FAF1: variants seen among roughly 807,000 people sequenced by gnomAD.
The protein encoded by FAF1 is FAS-associated factor 1.
In FAF1, 25 loss-of-function variants were observed where a neutral mutation model predicts 92.5. The ratio of observed to expected loss-of-function variants is 0.27; its 90% CI spans 0.20 to 0.38. The LOEUF is 0.38. Ranked by LOEUF, FAF1 falls within the 10% of genes least tolerant of loss-of-function variation. The pLI is 1.00. For synonymous variants in FAF1, 234 were observed against 273.2 expected, an observed-to-expected ratio of 0.86 and a Z score of 1.42; for missense variants, 636 against 793.3, an observed-to-expected ratio of 0.80 and a Z score of 2.38.
chr1:50,871,786 G>A (rs929005625), intron 1 of FAF1, among the ~76,000 whole-genome samples: 7 of 152,152 alleles, frequency 4.6e-5, no homozygotes, highest in African/African-American at 1.7e-4. Flanking sequence ...GTAGCTCATG[G>A]GTCAAGGATT....
intron 12 of FAF1, among the ~76,000 whole-genome samples, chr1:50,569,281 C>A (rs1650317969): frequency 6.6e-6 from 1 of 152,138 alleles, no homozygotes; most frequent in Non-Finnish European, 1.5e-5. Flanking sequence ...AGTTTCCCCT[C>A]TAGACTAAAT....
intron 18 of FAF1, among the ~76,000 whole-genome samples, chr1:50,470,029 A>T (rs1646551042): frequency 6.6e-6 from 1 of 152,236 alleles, no homozygotes; most frequent in African/African-American, 2.4e-5. Context: ...TTTAAGATAC[A>T]GTCATTCAAT....
chr1:50,889,698 T>G (rs1250448450), intron 1 of FAF1, among the ~76,000 whole-genome samples: 2 of 152,078 alleles, frequency 1.3e-5, no homozygotes, highest in East Asian at 1.9e-4. Flanking sequence ...TTAATCCTCA[T>G]TTCTAGTTTG....
rs372268610 is a variant in FAF1, at chr1:50,746,875, G to A, written c.368-2100C>T. Among the ~76,000 whole-genome samples the A allele has an allele frequency of 3.9e-5, 6 of 152,266 alleles. No homozygotes were observed. In the East Asian group the frequency reaches 5.8e-4, roughly 15 times the overall value. On this transcript the variant is annotated intron_variant, in intron 4 of 18. Coordinates refer to ENST00000396153, the MANE Select transcript of FAF1 (RefSeq NM_007051.3). The stretch of plus-strand genomic sequence containing the variant: ...CAGGGCCTCACCACCCTGCACAGAC[G>A]CAGGAAACTGCTCCCTGCATCCTGG...
At chr1:50,946,519 G>A (rs552020663) in intron 1 of FAF1, among the ~76,000 whole-genome samples, 3 of 152,266 alleles carry the variant, frequency 2.0e-5, no homozygotes, top group Non-Finnish European at 2.9e-5. Flanking sequence ...AACCTATGAA[G>A]ACACCCTCAT....
chr1:50,489,102 T>A (rs1435969018), intron 17 of FAF1, among the ~76,000 whole-genome samples: 1 of 152,236 alleles, frequency 6.6e-6, no homozygotes, highest in Non-Finnish European at 1.5e-5. Flanking sequence ...TTGAACTCTC[T>A]AAGTATTTTG....
intron 8 of FAF1, among the ~76,000 whole-genome samples, chr1:50,642,077 C>A (rs1256775432): frequency 6.6e-6 from 1 of 151,916 alleles, no homozygotes; most frequent in Admixed American, 6.6e-5. Context: ...GTGGCGGGTG[C>A]CCGTAATCCC....
chr1:50,905,000 T>C (rs917533457), intron 1 of FAF1, among the ~76,000 whole-genome samples: 1 of 152,090 alleles, frequency 6.6e-6, no homozygotes, highest in East Asian at 1.9e-4. Flanking sequence ...ACTCATCATT[T>C]ACATTAGGTT....
intron 1 of FAF1, among the ~76,000 whole-genome samples, chr1:50,885,312 TCACACACACA>T (rs376434464): frequency 1.2e-4 from 16 of 137,350 alleles, no homozygotes; most frequent in South Asian, 2.3e-4. Flanking sequence ...TCTCTCTCTC[TCACACACACA>T]CACTCTCTCT....
chr1:50,807,777 A>C (rs974721224), intron 2 of FAF1, among the ~76,000 whole-genome samples: 1 of 152,230 alleles, frequency 6.6e-6, no homozygotes, highest in Non-Finnish European at 1.5e-5. Flanking sequence ...ATCTAAAGAG[A>C]CCAAATCTAC....
intron 6 of FAF1, among the ~76,000 whole-genome samples, chr1:50,713,419 A>C (rs1658032091): frequency 6.6e-6 from 1 of 151,904 alleles, no homozygotes; most frequent in Non-Finnish European, 1.5e-5. Context: ...GACCACAGGC[A>C]TGTGCCACCA....
intron 1 of FAF1, among the ~76,000 whole-genome samples, chr1:50,956,666 G>C (rs1557604011): frequency 2.0e-5 from 3 of 152,158 alleles, no homozygotes; most frequent in Non-Finnish European, 4.4e-5. Context: ...TAAATGATTT[G>C]AGCCGGGTGC....
At chr1:50,648,310 G>A (rs1654691360) in intron 8 of FAF1, among the ~76,000 whole-genome samples, 1 of 152,082 alleles carries the variant, frequency 6.6e-6, no homozygotes, top group Non-Finnish European at 1.5e-5. Context: ...CTTCAAGGAA[G>A]GAGATAATTG....
At chr1:50,677,632 C>T (rs560679589) in intron 7 of FAF1, among the ~76,000 whole-genome samples, 16 of 152,010 alleles carry the variant, frequency 1.1e-4, no homozygotes, top group Non-Finnish European at 1.5e-4. Flanking sequence ...CGGTGGCTGA[C>T]GCCTGTAATC....
intron 1 of FAF1, among the ~76,000 whole-genome samples, chr1:50,867,913 A>G (rs967611583): frequency 3.3e-5 from 5 of 152,208 alleles, no homozygotes; most frequent in African/African-American, 1.2e-4. Context: ...AATTACAAAA[A>G]TATGGAACCA....
At chr1:50,613,798 C>G (rs899351683) in intron 8 of FAF1, among the ~76,000 whole-genome samples, 1 of 149,090 alleles carries the variant, frequency 6.7e-6, no homozygotes, top group Non-Finnish European at 1.5e-5. Context: ...ATTAAAAAAA[C>G]AAACAAACAA....
intron 2 of FAF1, among the ~76,000 whole-genome samples, chr1:50,802,514 T>C (rs1455292895): frequency 6.6e-6 from 1 of 152,212 alleles, no homozygotes; most frequent in Non-Finnish European, 1.5e-5. Flanking sequence ...AGAGGTTTCC[T>C]TATATAAAAC....
chr1:50,621,383 C>CTTT (rs1055594541), intron 8 of FAF1, among the ~76,000 whole-genome samples: 3 of 110,734 alleles, frequency 2.7e-5, no homozygotes, highest in African/African-American at 1.1e-4. Flanking sequence ...CCCGATCTTT[C>CTTT]TTTTTTTCTT....
intron 1 of FAF1, among the ~76,000 whole-genome samples, chr1:50,957,347 C>CTTTTT (rs1188286312): frequency 3.2e-3 from 331 of 104,158 alleles, no homozygotes; most frequent in Non-Finnish European, 3.5e-3. Context: ...TTTTCATTTT[C>CTTTTT]TTTTTTTTTT....
Sources: allele counts gnomAD v4.1 joint callset (sites outside exome capture counted in the v4.1 genomes callset), GRCh38; gene constraint gnomAD v4.1.1; transcripts MANE v1.5; gene names NCBI Gene and HGNC (gene_info 2026-07-23, HGNC 2026-07-21).